COL5A2: variants seen among roughly 807,000 people sequenced by gnomAD.
The protein encoded by COL5A2 is collagen alpha-2(V) chain.
COL5A2 carries 23 observed loss-of-function variants against 208.2 expected under a neutral mutation model. The observed-to-expected ratio is 0.11, with a 90% CI of 0.08 to 0.16. The LOEUF (loss-of-function observed/expected upper bound fraction) is 0.16. Ranked by LOEUF, COL5A2 falls within the 10% of genes least tolerant of loss-of-function variation. The probability of loss-of-function intolerance (pLI) is 1.00; values close to 1 mark genes in which losing one functional copy is unlikely to be tolerated. For missense variants in COL5A2, 1,590 were observed against 1,956.4 expected, an observed-to-expected ratio of 0.81 and a Z score of 3.53; for synonymous variants, 625 against 628.5, an observed-to-expected ratio of 0.99 and a Z score of 0.08.
rs901541312 is a variant in COL5A2 at position 189,048,277 on chromosome 2, G to A, written c.3148-15C>T. The A allele has an allele frequency of 6.2e-6, 10 of 1,612,896 alleles. No homozygotes were observed. Among genetic ancestry groups the A allele is most frequent in the Middle Eastern group, 1.6e-4 (1 of 6,082 alleles). ...CCAGCTGGACCCTATAAAGAATAAT[G>A]GTTTGAAAAACTACTTAACTGAGTA... On this transcript the variant is annotated splice_polypyrimidine_tract_variant and intron_variant, in intron 44 of 53. Coordinates refer to ENST00000374866, the MANE Select transcript of COL5A2 (RefSeq NM_000393.5).
At chr2:189,055,432 ATATTCT>A (rs1685882393) in intron 35 of COL5A2, among the ~76,000 whole-genome samples, 1 of 152,190 alleles carries the variant, frequency 6.6e-6, no homozygotes, top group South Asian at 2.1e-4. Context: ...TGCAGCCCAA[ATATTCT>A]TTCATCGTTT....
At chr2:189,423,896 A>T in the COL5A2 span, among the ~76,000 whole-genome samples, 1 of 139,672 alleles carries the variant, frequency 7.2e-6, no homozygotes, top group Non-Finnish European at 1.5e-5. Context: ...GACGAGGGGG[A>T]AAAAAAAAAG....
At chr2:189,064,374 A>G (rs1409414812) in intron 25 of COL5A2, among the ~76,000 whole-genome samples, 183 bp downstream of exon 25, 1 of 152,206 alleles carries the variant, frequency 6.6e-6, no homozygotes, top group African/African-American at 2.4e-5. Flanking sequence ...CGTGTTTTCT[A>G]TATATGATAA....
At chr2:189,303,753 C>T in the COL5A2 span, among the ~76,000 whole-genome samples, 5,782 of 152,284 alleles carry the variant, frequency 0.038, 126 homozygotes, top group Admixed American at 0.051. Context: ...ATAAGGCAAA[C>T]GCGGAGCTGT....
chr2:189,087,304 C>T (rs2105654408), intron 8 of COL5A2, among the ~76,000 whole-genome samples: 2 of 152,214 alleles, frequency 1.3e-5, no homozygotes, highest in South Asian at 4.1e-4. Context: ...TTGAAACTAT[C>T]CACACAGGCT....
At chr2:189,369,018 T>C in the COL5A2 span, among the ~76,000 whole-genome samples, 1 of 152,218 alleles carries the variant, frequency 6.6e-6, no homozygotes, top group Non-Finnish European at 1.5e-5. Flanking sequence ...TGAGAATGTG[T>C]CCTGCTTCAG....
chr2:189,380,110 G>C, the COL5A2 span, among the ~76,000 whole-genome samples: 1 of 151,676 alleles, frequency 6.6e-6, no homozygotes, highest in South Asian at 2.1e-4. Context: ...AGTGAATTTT[G>C]CTTGTGGGCA....
chr2:189,323,723 T>C, the COL5A2 span, among the ~76,000 whole-genome samples: 1 of 152,184 alleles, frequency 6.6e-6, no homozygotes, highest in Non-Finnish European at 1.5e-5. Flanking sequence ...CAAGAATCAA[T>C]ATTGTGAAAA....
chr2:189,129,804 G>A (rs1312206611), intron 1 of COL5A2, among the ~76,000 whole-genome samples: 1 of 152,020 alleles, frequency 6.6e-6, no homozygotes, highest in Non-Finnish European at 1.5e-5. Flanking sequence ...CTGTGTGGTG[G>A]GAGGTTTACC....
intron 1 of COL5A2, among the ~76,000 whole-genome samples, chr2:189,223,099 T>C (rs886321492): frequency 3.9e-5 from 6 of 152,202 alleles, no homozygotes; most frequent in African/African-American, 1.4e-4. Context: ...TGTGCTCCCA[T>C]ATAAATTAGT....
chr2:189,269,698 C>CT, the COL5A2 span, among the ~76,000 whole-genome samples: 1 of 152,030 alleles, frequency 6.6e-6, no homozygotes, highest in East Asian at 1.9e-4. Context: ...CTGAAATGTT[C>CT]TTTTTTTGTT....
chr2:189,044,931 T>C (rs965613940), intron 47 of COL5A2, among the ~76,000 whole-genome samples: 4 of 152,142 alleles, frequency 2.6e-5, no homozygotes, highest in African/African-American at 9.6e-5. Flanking sequence ...AGGAGAAACC[T>C]GTGACTTTAA....
intron 45 of COL5A2, among the ~76,000 whole-genome samples, chr2:189,046,810 G>A (rs1020910006): frequency 2.0e-5 from 3 of 149,390 alleles, no homozygotes; most frequent in Admixed American, 6.7e-5. Context: ...CAACTTCAAG[G>A]TTTTGAAAAA....
chr2:189,220,742 C>T (rs1689338606), intron 1 of COL5A2, among the ~76,000 whole-genome samples: 1 of 152,062 alleles, frequency 6.6e-6, no homozygotes, highest in Admixed American at 6.6e-5. Flanking sequence ...AATTAAAAGC[C>T]CAAAACAATA....
the COL5A2 span, among the ~76,000 whole-genome samples, chr2:189,429,084 A>G: frequency 8.9e-4 from 136 of 152,310 alleles, no homozygotes; most frequent in Non-Finnish European, 1.4e-3. Flanking sequence ...TGCACTCTTG[A>G]GGAATGCTAA....
chr2:189,334,883 T>A, the COL5A2 span, among the ~76,000 whole-genome samples: 1 of 151,938 alleles, frequency 6.6e-6, no homozygotes, highest in African/African-American at 2.4e-5. Context: ...TATATATACC[T>A]ACCAATAGAG....
intron 35 of COL5A2, chr2:189,056,659 T>C (rs1015320739): frequency 9.8e-6 from 4 of 407,964 alleles, no homozygotes; most frequent in Non-Finnish European, 1.8e-5. Flanking sequence ...GCTCACTAGA[T>C]TAGCATTTTA....
intron 1 of COL5A2, among the ~76,000 whole-genome samples, chr2:189,216,173 T>C (rs561539144): frequency 2.0e-4 from 30 of 152,292 alleles, no homozygotes; most frequent in African/African-American, 6.7e-4. Context: ...ATTGTAATAA[T>C]ATCAATATAA....
At chr2:189,334,608 A>T in the COL5A2 span, among the ~76,000 whole-genome samples, 11 of 152,082 alleles carry the variant, frequency 7.2e-5, no homozygotes, top group Admixed American at 2.6e-4. Context: ...GTGAAGATAT[A>T]CTATTTCATA....
Sources: allele counts gnomAD v4.1 joint callset (sites outside exome capture counted in the v4.1 genomes callset), GRCh38; gene constraint gnomAD v4.1.1; transcripts MANE v1.5; gene names NCBI Gene and HGNC (gene_info 2026-07-23, HGNC 2026-07-21).